The following PROSER2 variants were observed in gnomAD, a reference collection of about 807,000 sequenced individuals.
PROSER2 encodes the protein proline and serine-rich protein 2.
A neutral mutation model predicts 14.6 loss-of-function variants in PROSER2; 18 were observed. The ratio of observed to expected loss-of-function variants is 1.23; its 90% CI spans 0.85 to 1.83. The LOEUF is 1.83. Among genes scored for constraint, PROSER2 ranks in the 40% most tolerant of loss-of-function variants. The pLI, the probability that PROSER2 is intolerant of heterozygous loss-of-function variation, is 0.00. For missense variants in PROSER2, 823 were observed against 629.8 expected (o/e 1.31, Z -3.28); for synonymous variants, 367 against 286.4 (o/e 1.28, Z -2.84).
intron 2 of PROSER2, among the ~76,000 whole-genome samples, chr10:11,863,962 G>T (rs1834294480): frequency 6.6e-6 from 1 of 152,094 alleles, no homozygotes; most frequent in African/African-American, 2.4e-5. Context: ...GCTTCCTGGG[G>T]AGCCCTCGTT....
chr10:11,826,570 T>A (rs1488202377), intron 1 of PROSER2, among the ~76,000 whole-genome samples: 1 of 152,158 alleles, frequency 6.6e-6, no homozygotes, highest in Non-Finnish European at 1.5e-5. Context: ...ATTTATGTAT[T>A]TATGTATTTA....
intron 1 of PROSER2, among the ~76,000 whole-genome samples, chr10:11,847,670 C>T (rs1340909760): frequency 3.4e-5 from 5 of 148,978 alleles, no homozygotes; most frequent in African/African-American, 4.8e-5. Flanking sequence ...CCACCCACCT[C>T]GGCCTCCCAA....
At chr10:11,847,478 C>T (rs773830313) in intron 1 of PROSER2, among the ~76,000 whole-genome samples, 1 of 152,134 alleles carries the variant, frequency 6.6e-6, no homozygotes, top group Non-Finnish European at 1.5e-5. Context: ...AGTGCATTGG[C>T]GCAATCTCTG....
At chr10:11,843,490 A>G (rs2131060993) in intron 1 of PROSER2, among the ~76,000 whole-genome samples, 1 of 151,960 alleles carries the variant, frequency 6.6e-6, no homozygotes, top group African/African-American at 2.4e-5. Flanking sequence ...GATCGAGACC[A>G]TCCTGGCCAA....
rs1588487984 is a variant in PROSER2, at chr10:11,843,001, C to T, written c.-81-8996C>T. On this transcript the variant is annotated intron_variant, in intron 1 of 3. Coordinates refer to ENST00000277570, the MANE Select transcript of PROSER2 (RefSeq NM_153256.4). ...TGTCGCCCAGGCTGGAGTGCTGTGG[C>T]ACGATCTCGGCTCACTGCAAGTTCC... is the stretch of plus-strand genomic sequence containing the variant. 8.4e-5 allele frequency among the ~76,000 whole-genome samples: 11 copies of T among 130,864 alleles called. 3 individuals are homozygous for T. The highest frequency in any genetic ancestry group is 2.9e-4 in the African/African-American group (10 of 35,080). The allele number at this position is 130,864 out of a possible 152,430, so 85.9% of individuals were successfully genotyped here.
chr10:11,843,138 C>T (rs1276850141), intron 1 of PROSER2, among the ~76,000 whole-genome samples: 3 of 147,116 alleles, frequency 2.0e-5, no homozygotes. Context: ...GACGGGGTTT[C>T]ACCATGTTAG....
rs778100797 is a variant in PROSER2, at chr10:11,869,815, C to G, written c.717C>G (p.Gly239=). 7.7e-6 allele frequency: 12 copies of G among 1,563,118 alleles called. No homozygotes were observed. Among genetic ancestry groups the G allele is most frequent in the Non-Finnish European group, 8.6e-6 (10 of 1,157,690 alleles). The change falls in exon 4 of 4, where the codon GGC becomes GGG. Residue 239 remains glycine (G), a synonymous_variant. Coordinates refer to ENST00000277570, the MANE Select transcript of PROSER2 (RefSeq NM_153256.4). This position sits in a 1 kb window ranked among gnomAD's most constrained non-coding sequence, Gnocchi z 4.4. ...GGGGGCCCCGCAGTGGAGACCCTGG[C>G]CCGGGGCCCAGCCACCCGGCGCAGC... The part of the protein sequence containing the change: ...AARGPRSGDP[G]PGPSHPAQPK...
chr10:11,824,825 A>G (rs1241642784), intron 1 of PROSER2, among the ~76,000 whole-genome samples: 2 of 152,258 alleles, frequency 1.3e-5, no homozygotes, highest in Non-Finnish European at 2.9e-5. Flanking sequence ...TCAGAAATCC[A>G]AAATTAGAGT....
At chr10:11,854,395 C>G (rs1324385390) in intron 2 of PROSER2, among the ~76,000 whole-genome samples, 1 of 152,206 alleles carries the variant, frequency 6.6e-6, no homozygotes. Context: ...GCAGCCGTGA[C>G]CTCCTAGGCT....
chr10:11,833,264 T>G (rs1833713286), intron 1 of PROSER2, among the ~76,000 whole-genome samples: 1 of 134,186 alleles, frequency 7.5e-6, no homozygotes, highest in Non-Finnish European at 1.6e-5. Flanking sequence ...TTTAGTTCTT[T>G]GCTGGGTGCA....
chr10:11,828,618 G>T (rs183621809), intron 1 of PROSER2, among the ~76,000 whole-genome samples: 1 of 152,198 alleles, frequency 6.6e-6, no homozygotes, highest in East Asian at 1.9e-4. Flanking sequence ...CAGGAGAATC[G>T]CTTGAACTCA....
rs993392259 is a variant in PROSER2, at chr10:11,856,392, G to C, written c.138+4177G>C. Among the ~76,000 whole-genome samples, 1 of 152,138 alleles carries C rather than the reference G, an allele frequency of 6.6e-6. No individual in the cohort carries two copies. Among genetic ancestry groups the C allele is most frequent in the African/African-American group, 2.4e-5 (1 of 41,426 alleles). On this transcript the variant is annotated intron_variant, in intron 2 of 3. Transcript: ENST00000277570. This position sits in a 1 kb window ranked among gnomAD's most constrained non-coding sequence, Gnocchi z 5.3. Reference sequence around the variant, plus strand: ...CACTCTGAATGAGGTCCTGAAGTCGGGTCTGCCTTCACACATCCCGAAGCT... The same window carrying C: ...CACTCTGAATGAGGTCCTGAAGTCGCGTCTGCCTTCACACATCCCGAAGCT...
intron 1 of PROSER2, among the ~76,000 whole-genome samples, chr10:11,834,772 G>A (rs986208638): frequency 6.6e-6 from 1 of 151,910 alleles, no homozygotes; most frequent in Non-Finnish European, 1.5e-5. Flanking sequence ...ACCTTGCCTG[G>A]CCTGTGGTAT....
intron 1 of PROSER2, among the ~76,000 whole-genome samples, chr10:11,845,675 G>A (rs945624553): frequency 2.6e-5 from 4 of 151,960 alleles, no homozygotes; most frequent in Admixed American, 1.3e-4. Flanking sequence ...TGTGGAACCC[G>A]GGGAGGGAGC....
In PROSER2 at chr10:11,870,359, C is replaced by A; in HGVS notation, c.1261C>A (p.Arg421Ser). Residue 421 changes from arginine (R) to serine (S), a missense_variant, in exon 4 of 4, where the codon CGC (arginine) becomes AGC (serine). Transcript: ENST00000277570. Reference protein sequence around the residue: ...FAGRGSSEEARREALRKLGLL... With the variant: ...FAGRGSSEEASREALRKLGLL... ...GGGCCGCGGCTCCTCGGAGGAGGCG[C>A]GCAGGGAGGCCCTGCGGAAGCTGGG... is the stretch of plus-strand genomic sequence containing the variant. 1 of 1,508,554 alleles carries A rather than the reference C, an allele frequency of 6.6e-7. No homozygotes were observed. The highest frequency in any genetic ancestry group is 2.2e-5 in the Admixed American group (1 of 44,632). 93.4% of individuals were successfully genotyped at this position (1,508,554 alleles called of 1,614,324 possible).
At chr10:11,867,658 G>A (rs370075202) in intron 3 of PROSER2, among the ~76,000 whole-genome samples, 4 of 152,310 alleles carry the variant, frequency 2.6e-5, no homozygotes, top group South Asian at 2.1e-4. Context: ...CACTGCTGAC[G>A]TGGCAGGAGG....
rs986988295 is a variant in PROSER2, at chr10:11,837,835, C to T, written c.-81-14162C>T. Among the ~76,000 whole-genome samples the T allele has an allele frequency of 7.4e-5, 11 of 149,270 alleles. No homozygotes were observed. The highest frequency in any genetic ancestry group is 2.6e-4 in the African/African-American group (10 of 38,710). On this transcript the variant is annotated intron_variant, in intron 1 of 3. Transcript: ENST00000277570. The surrounding 1 kb of genome is among the most constrained non-coding windows in gnomAD (Gnocchi z 4.6). ...CTTCAGTAAAGTGCGTTGGGTTAAC[C>T]GTTCCCTGGTTAGTTTTGAGCTGAA...
In PROSER2 at chr10:11,869,463, C is replaced by T. The variant is rs376649371; in HGVS notation, c.392-27C>T. On this transcript the variant is annotated intron_variant, in intron 3 of 3. Transcript: ENST00000277570. This position sits in a 1 kb window ranked among gnomAD's most constrained non-coding sequence, Gnocchi z 4.4. ...CATTTACTTTCACGTGGGCCGGTGGCTCACAGGCTCCTCCCTTGTCTTCCA... is the reference window on the plus strand; with the variant it reads ...CATTTACTTTCACGTGGGCCGGTGGTTCACAGGCTCCTCCCTTGTCTTCCA... 21 of 1,572,948 alleles carry T rather than the reference C, an allele frequency of 1.3e-5. 1 individual carries two copies. In the African/African-American group the frequency reaches 2.0e-4, roughly 15 times the overall value.
In PROSER2 at chr10:11,865,452, G is replaced by A. The variant is rs1834326655; in HGVS notation, c.139-1079G>A. On this transcript the variant is annotated intron_variant, in intron 2 of 3. Coordinates refer to ENST00000277570, the MANE Select transcript of PROSER2 (RefSeq NM_153256.4). The surrounding 1 kb of genome is among the most constrained non-coding windows in gnomAD (Gnocchi z 4.2). ...GCTTTTCTATCCTTTGATTTTGATA[G>A]CTGTTTCACATTAACAGTTTTCCTC... Among the ~76,000 whole-genome samples the A allele has an allele frequency of 6.6e-6, 1 of 152,084 alleles. No homozygotes were observed. The highest frequency in any genetic ancestry group is 6.6e-5 in the Admixed American group (1 of 15,264).
Sources: gnomAD v4.1 joint callset for allele counts (sites outside exome capture counted in the v4.1 genomes callset) on GRCh38, gnomAD v4.1.1 for gene constraint, Gnocchi (gnomAD v3.1) non-coding constraint, MANE v1.5 for transcripts, NCBI Gene and HGNC (gene_info 2026-07-23, HGNC 2026-07-21) for gene names.